Variants in OPN3 observed in about 807,000 individuals in gnomAD.
The protein encoded by OPN3 is opsin-3.
Under a neutral mutation model 33.8 loss-of-function variants are expected in OPN3, and 29 were observed. The ratio of observed to expected loss-of-function variants is 0.86; its 90% CI spans 0.64 to 1.17. OPN3 has a LOEUF of 1.17. Among genes scored for constraint, OPN3 ranks in the 50% most tolerant of loss-of-function variants. OPN3 has a pLI of 0.00. For missense variants in OPN3, 437 were observed against 514.1 expected (o/e 0.85, Z 1.45); for synonymous variants, 216 against 216.1 (o/e 1.00, Z 0.00).
intron 1 of OPN3, among the ~76,000 whole-genome samples, chr1:241,625,004 T>G (rs1170034582): frequency 1.3e-5 from 2 of 152,216 alleles, no homozygotes; most frequent in South Asian, 4.1e-4. Flanking sequence ...TGGCATCCAG[T>G]TAGTGCTAAG....
chr1:241,618,235 G>C (rs1179032203), intron 1 of OPN3, among the ~76,000 whole-genome samples: 1 of 152,174 alleles, frequency 6.6e-6, no homozygotes, highest in Admixed American at 6.5e-5. Context: ...AGAGCAGCAT[G>C]TCTCTTTCCT....
chr1:241,637,821 T>C (rs115278186), intron 1 of OPN3, among the ~76,000 whole-genome samples: 1,794 of 152,300 alleles, frequency 0.012, 49 homozygotes, highest in African/African-American at 0.041. Flanking sequence ...TCCACTCTTG[T>C]GCCATCAGAC....
chr1:241,636,955 T>TA (rs11457259), intron 1 of OPN3, among the ~76,000 whole-genome samples: 89,171 of 147,950 alleles, frequency 0.6, 26,717 homozygotes, highest in Non-Finnish European at 0.64. Context: ...AGGGGAAGTT[T>TA]AAAAAAAAAA....
rs1417390290 is a variant in OPN3 at position 241,604,562 on chromosome 1, T to C, written c.391A>G (p.Thr131Ala). 6.2e-7 allele frequency: 1 copy of C among 1,610,550 alleles called. No homozygotes were observed. Among genetic ancestry groups the C allele is most frequent in the Non-Finnish European group, 8.5e-7 (1 of 1,177,496 alleles). The stretch of plus-strand genomic sequence containing the variant: ...CGTTCATAGGCCAGCACGGTTAGGG[T>C]GGCAATGGAAACAATCCCTGCAAGA... ...GSLFGIVSIA[T>A]LTVLAYERYI... The change falls in exon 2 of 4, where the codon ACC (threonine) becomes GCC (alanine). Residue 131 changes from threonine (T) to alanine (A), a missense_variant. Transcript: ENST00000366554.
At chr1:241,611,493 CA>C (rs10645786) in intron 1 of OPN3, among the ~76,000 whole-genome samples, 35,582 of 123,004 alleles carry the variant, frequency 0.29, 4,254 homozygotes, top group African/African-American at 0.39. Flanking sequence ...TTAACAAGGC[CA>C]AAAAAAAAAA....
chr1:241,601,852 C>T (rs1663686410), intron 2 of OPN3, among the ~76,000 whole-genome samples: 1 of 152,202 alleles, frequency 6.6e-6, no homozygotes, highest in African/African-American at 2.4e-5. Flanking sequence ...TCCCTAATTT[C>T]TGGTCTTGGT....
intron 1 of OPN3, among the ~76,000 whole-genome samples, chr1:241,624,927 G>C (rs1664373547): frequency 6.6e-6 from 1 of 152,124 alleles, no homozygotes. Context: ...ATCTGCAAAT[G>C]GGGATAATAA....
chr1:241,612,908 T>G (rs1423020458), intron 1 of OPN3, among the ~76,000 whole-genome samples: 1 of 151,932 alleles, frequency 6.6e-6, no homozygotes, highest in Non-Finnish European at 1.5e-5. Context: ...CCAACCCAGA[T>G]CTCCTCAGGG....
At chr1:241,612,043 G>C (rs1476352277) in intron 1 of OPN3, among the ~76,000 whole-genome samples, 2 of 152,150 alleles carry the variant, frequency 1.3e-5, no homozygotes, top group African/African-American at 2.4e-5. Context: ...GCAAGTCTTG[G>C]GTTACTGGTT....
At chr1:241,625,745 G>A (rs188994093) in intron 1 of OPN3, among the ~76,000 whole-genome samples, 85 of 152,186 alleles carry the variant, frequency 5.6e-4, no homozygotes, top group African/African-American at 1.8e-3. Context: ...CACTGATAGG[G>A]GTCAGAAAAC....
At chr1:241,626,902 A>G (rs1664436472) in intron 1 of OPN3, among the ~76,000 whole-genome samples, 1 of 152,204 alleles carries the variant, frequency 6.6e-6, no homozygotes, top group Non-Finnish European at 1.5e-5. Flanking sequence ...GGATTAAACT[A>G]TAAAATGCCT....
Position 241,615,986 on chromosome 1 carries a change from G to T in OPN3, c.374-11407C>A, listed in dbSNP as rs1276254227. On this transcript the variant is annotated intron_variant, in intron 1 of 3. Transcript: ENST00000366554. ...CTCATGGAGCAGAGTTGGACCAATG[G>T]CCAAGAGACAGGAAGAAGCCAGAGA... 6.6e-6 allele frequency: 3 copies of T among 456,472 alleles called. No homozygotes were observed. The Admixed American group carries it at 7.0e-5, about 11-fold the overall frequency. The allele number at this position is 456,472 out of a possible 1,614,324, so 28.3% of individuals were successfully genotyped here. A position where few individuals can be genotyped will look rare whatever the true frequency, so the allele number is the denominator to read the frequency against.
At chr1:241,620,577 G>C (rs1318878703) in intron 1 of OPN3, among the ~76,000 whole-genome samples, 1 of 152,160 alleles carries the variant, frequency 6.6e-6, no homozygotes, top group Non-Finnish European at 1.5e-5. Context: ...CTGGTACCCT[G>C]ATCTCAGACT....
chr1:241,615,979 A>C, intron 1 of OPN3: 1 of 456,652 alleles, frequency 2.2e-6, no homozygotes, highest in South Asian at 1.5e-5. Context: ...GCAGAGTTGG[A>C]CCAATGGCCA....
intron 1 of OPN3, chr1:241,634,764 G>T: frequency 6.2e-7 from 1 of 1,613,954 alleles, no homozygotes; most frequent in South Asian, 1.1e-5. Flanking sequence ...AAATGTTGAA[G>T]GTTGGGAGTT....
intron 1 of OPN3, chr1:241,635,286 T>G: frequency 1.9e-6 from 3 of 1,613,984 alleles, no homozygotes; most frequent in Non-Finnish European, 2.5e-6. Context: ...TCTGTATCAC[T>G]TTTCTGAGTG....
At chr1:241,623,470 A>G (rs1436030410) in intron 1 of OPN3, among the ~76,000 whole-genome samples, 1 of 152,170 alleles carries the variant, frequency 6.6e-6, no homozygotes, top group Non-Finnish European at 1.5e-5. Context: ...TCCTTATTTA[A>G]TACCATTAGG....
intron 1 of OPN3, chr1:241,628,766 TTTTGAC>T (rs1394926719): frequency 1.3e-5 from 2 of 152,196 alleles, no homozygotes; most frequent in East Asian, 3.8e-4. Flanking sequence ...AGATGATCTT[TTTTGAC>T]TTTAACACCT....
chr1:241,623,053 TAA>T (rs1340957174), intron 1 of OPN3, among the ~76,000 whole-genome samples: 1 of 151,078 alleles, frequency 6.6e-6, no homozygotes, highest in Non-Finnish European at 1.5e-5. Flanking sequence ...TTGTTTTTTT[TAA>T]AGAGTCTATA....
Sources: gnomAD v4.1 joint callset for allele counts (sites outside exome capture counted in the v4.1 genomes callset) on GRCh38, gnomAD v4.1.1 for gene constraint, MANE v1.5 for transcripts, NCBI Gene and HGNC (gene_info 2026-07-23, HGNC 2026-07-21) for gene names.